SGSM1: variants seen among roughly 807,000 people sequenced by gnomAD.
SGSM1 encodes the protein small G protein signaling modulator 1.
A neutral mutation model predicts 133.8 loss-of-function variants in SGSM1; 73 were observed. The ratio of observed to expected loss-of-function variants is 0.55; its 90% CI spans 0.45 to 0.66. SGSM1 has a LOEUF of 0.66. Ranked by LOEUF, SGSM1 falls within the 30% of genes least tolerant of loss-of-function variation. SGSM1 has a pLI of 0.00. For missense variants in SGSM1, 1,213 were observed against 1,448.1 expected (o/e 0.84, Z 2.64); for synonymous variants, 563 against 573.0 (o/e 0.98, Z 0.25).
At chr22:24,820,870 A>C (rs1324103903) in intron 2 of SGSM1, among the ~76,000 whole-genome samples, 1 of 152,232 alleles carries the variant, frequency 6.6e-6, no homozygotes, top group Non-Finnish European at 1.5e-5. Context: ...GTGCAAACAG[A>C]TGAAGAAATG....
In SGSM1 at chr22:24,857,850, A is replaced by G. The variant is rs183914791; in HGVS notation, c.802-1866A>G. ...GTTGAGTGGTTGCAGCTGAGCTTGTATAGCTTACAGAACCAAACAATATTT... is the reference window on the plus strand; with the variant it reads ...GTTGAGTGGTTGCAGCTGAGCTTGTGTAGCTTACAGAACCAAACAATATTT... On this transcript the variant is annotated intron_variant, in intron 8 of 24. Transcript: ENST00000400358. Among the ~76,000 whole-genome samples, 6 of 152,346 alleles carry G rather than the reference A, an allele frequency of 3.9e-5. No individual in the cohort carries two copies. The East Asian group carries it at 5.8e-4, about 15-fold the overall frequency.
intron 2 of SGSM1, among the ~76,000 whole-genome samples, chr22:24,822,979 A>G (rs1357088879): frequency 6.6e-6 from 1 of 152,184 alleles, no homozygotes; most frequent in Non-Finnish European, 1.5e-5. Context: ...GTTGTGAGAA[A>G]CACCCATAGG....
intron 19 of SGSM1, among the ~76,000 whole-genome samples, chr22:24,899,045 A>C (rs1227478473): frequency 6.7e-6 from 1 of 149,882 alleles, no homozygotes; most frequent in Admixed American, 6.6e-5. Flanking sequence ...AAAAAAAAAA[A>C]AACGTGTACA....
rs377652671 is a variant in SGSM1, at chr22:24,898,071, T to C, written c.2122T>C (p.Cys708Arg). The change falls in exon 19 of 25, where the codon TGT becomes CGT. Residue 708 changes from cysteine to arginine, a missense_variant. Coordinates refer to ENST00000400358, the MANE Select transcript of SGSM1 (RefSeq NM_001098497.3). ...CAATGGGAACCTAGTGAACGGCACTTGTTCCCCAGACTCGGGTCATCCTTC... is the reference window on the plus strand; with the variant it reads ...CAATGGGAACCTAGTGAACGGCACTCGTTCCCCAGACTCGGGTCATCCTTC... ...IPNGNLVNGT[C>R]SPDSGHPSSH... 3.1e-6 allele frequency: 5 copies of C among 1,613,826 alleles called. No individual in the cohort carries two copies. The African/African-American group carries it at 6.7e-5, about 22-fold the overall frequency.
In SGSM1 at chr22:24,921,038, A is replaced by G. The variant is rs150164928; in HGVS notation, c.3193+1045A>G. On this transcript the variant is annotated intron_variant, in intron 24 of 24. Coordinates refer to ENST00000400358, the MANE Select transcript of SGSM1 (RefSeq NM_001098497.3). ...GTCATGTTTATTTTTATGTTTTTAC[A>G]TAATCAGAATCCACTTGTATATGCC... Among the ~76,000 whole-genome samples the G allele has an allele frequency of 3.3e-5, 5 of 152,164 alleles. No homozygotes were observed. The East Asian group carries it at 7.7e-4, about 24-fold the overall frequency.
chr22:24,855,821 T>C (rs1930746721), intron 8 of SGSM1, 141 bp downstream of exon 8: 1 of 1,217,110 alleles, frequency 8.2e-7, no homozygotes, highest in Non-Finnish European at 1.2e-6. Context: ...CGCCCAACAC[T>C]CATTCATCCA....
intron 12 of SGSM1, 30 bp downstream of exon 12, chr22:24,868,885 G>T: frequency 6.2e-7 from 1 of 1,609,752 alleles, no homozygotes; most frequent in Non-Finnish European, 8.5e-7. Context: ...GCCCCGGGGA[G>T]TCACCTGCTA....
chr22:24,869,733 G>A (rs183198531), intron 12 of SGSM1, among the ~76,000 whole-genome samples: 4 of 152,278 alleles, frequency 2.6e-5, no homozygotes, highest in Middle Eastern at 3.4e-3. Context: ...CGGTAGAGGC[G>A]AAGCAGAGCA....
Position 24,901,825 on chromosome 22 carries a change from G to A in SGSM1, c.2611-8G>A, listed in dbSNP as rs1262156132. On this transcript the variant is annotated splice_polypyrimidine_tract_variant and splice_region_variant and intron_variant, in intron 19 of 24. Transcript: ENST00000400358. ...CTTCCCCCTACCCCCTGCCCCGATG[G>A]CCTATAGCCAGAGCTGCTGGATCTG... 6.2e-7 allele frequency: 1 copy of A among 1,612,478 alleles called. No individual in the cohort carries two copies. The highest frequency in any genetic ancestry group is 8.5e-7 in the Non-Finnish European group (1 of 1,179,374).
chr22:24,884,013 A>C (rs1321302019), intron 14 of SGSM1, 40 bp from the exon 15 acceptor site: 1 of 1,552,806 alleles, frequency 6.4e-7, no homozygotes, highest in African/African-American at 1.4e-5. Context: ...GAGGGGCTTC[A>C]GGTGGTGGAT....
chr22:24,816,671 C>CAT (rs1347607592), intron 2 of SGSM1, among the ~76,000 whole-genome samples: 24 of 152,068 alleles, frequency 1.6e-4, no homozygotes, highest in African/African-American at 5.8e-4. Flanking sequence ...TCCCAAAGCG[C>CAT]TGGGAAAAAT....
At chr22:24,890,821 C>T (rs371365259) in intron 16 of SGSM1, among the ~76,000 whole-genome samples, 2 of 152,192 alleles carry the variant, frequency 1.3e-5, no homozygotes, top group African/African-American at 2.4e-5. Flanking sequence ...GGATTACAGG[C>T]GTGAGCCAAC....
At position 24,919,900 on chromosome 22, in the gene SGSM1, G is replaced by A. The variant is rs778440333; in HGVS notation, c.3100G>A (p.Val1034Ile). The A allele has an allele frequency of 1.7e-5, 27 of 1,613,878 alleles. No individual in the cohort carries two copies. The East Asian group carries it at 4.2e-4, about 25-fold the overall frequency. ...CAAACACGTCTCCTCTGCGCACTACGTCCTGTTCATTGCGCTGGCTCTGGT... is the reference window on the plus strand; with the variant it reads ...CAAACACGTCTCCTCTGCGCACTACATCCTGTTCATTGCGCTGGCTCTGGT... ...AAKHVSSAHY[V>I]LFIALALVEV... Residue 1034 changes from valine (V) to isoleucine (I), a missense_variant, in exon 24 of 25, where the codon GTC (valine) becomes ATC (isoleucine). Coordinates refer to ENST00000400358, the MANE Select transcript of SGSM1 (RefSeq NM_001098497.3).
Position 24,878,933 on chromosome 22 carries a change from G to T in SGSM1, c.1431-529G>T, listed in dbSNP as rs183704040. ...GGCACAGTGGCTTCAGGCATGGCTG[G>T]ATACAGATGATCGAAATAGGAATCT... is the stretch of plus-strand genomic sequence containing the variant. On this transcript the variant is annotated intron_variant, in intron 13 of 24. Coordinates refer to ENST00000400358, the MANE Select transcript of SGSM1 (RefSeq NM_001098497.3). 1.2e-4 allele frequency among the ~76,000 whole-genome samples: 18 copies of T among 152,328 alleles called. No homozygotes were observed. The East Asian group carries it at 3.3e-3, about 28-fold the overall frequency.
rs1285820207 is a variant in SGSM1 at position 24,855,538 on chromosome 22, C to G, written c.670-11C>G. On this transcript the variant is annotated splice_polypyrimidine_tract_variant and intron_variant, in intron 7 of 24. Coordinates refer to ENST00000400358, the MANE Select transcript of SGSM1 (RefSeq NM_001098497.3). ...GGCCTCATCCCTCTGTCTCCCGTCA[C>G]TCTCTACCAGATCCAGAAGAGGCAT... The G allele has an allele frequency of 1.2e-6, 2 of 1,613,710 alleles. No individual in the cohort carries two copies. The highest frequency in any genetic ancestry group is 1.7e-6 in the Non-Finnish European group (2 of 1,179,804).
intron 21 of SGSM1, among the ~76,000 whole-genome samples, chr22:24,911,013 G>C (rs1009902140): frequency 6.6e-6 from 1 of 151,960 alleles, no homozygotes; most frequent in Non-Finnish European, 1.5e-5. Context: ...CAGCACTTTG[G>C]GAGGTGGAGG....
chr22:24,917,347 G>A (rs371575252), intron 22 of SGSM1, among the ~76,000 whole-genome samples: 3 of 152,070 alleles, frequency 2.0e-5, no homozygotes, highest in Non-Finnish European at 2.9e-5. Flanking sequence ...CTGCATCCTC[G>A]CCAACACTTT....
In SGSM1 at chr22:24,884,247, G is replaced by A. The variant is rs766055592; in HGVS notation, c.1641+49G>A. 3.2e-6 allele frequency: 5 copies of A among 1,562,866 alleles called. No individual in the cohort carries two copies. In the African/African-American group the frequency reaches 5.4e-5, roughly 17 times the overall value. ...TGCAGTGATGCAGAGGCTGCAGGGGGGTCATCTTATTATCTGAGAAATAAG... is the reference window on the plus strand; with the variant it reads ...TGCAGTGATGCAGAGGCTGCAGGGGAGTCATCTTATTATCTGAGAAATAAG... On this transcript the variant is annotated intron_variant, in intron 15 of 24. Coordinates refer to ENST00000400358, the MANE Select transcript of SGSM1 (RefSeq NM_001098497.3).
intron 18 of SGSM1, among the ~76,000 whole-genome samples, chr22:24,897,605 C>T (rs973378978): frequency 4.6e-5 from 7 of 152,104 alleles, no homozygotes; most frequent in African/African-American, 1.7e-4. Flanking sequence ...GTAGCTGAGA[C>T]CACATGTGTG....
Sources: gnomAD v4.1 joint callset for allele counts (sites outside exome capture counted in the v4.1 genomes callset) on GRCh38, gnomAD v4.1.1 for gene constraint, MANE v1.5 for transcripts, NCBI Gene and HGNC (gene_info 2026-07-23, HGNC 2026-07-21) for gene names.